The following GPC5 variants were observed in gnomAD, a reference collection of about 807,000 sequenced individuals.
GPC5 encodes the protein glypican-5.
Under a neutral mutation model 53.9 loss-of-function variants are expected in GPC5, and 47 were observed. The ratio of observed to expected loss-of-function variants is 0.87; its 90% CI spans 0.69 to 1.11. The LOEUF (loss-of-function observed/expected upper bound fraction) is 1.11, where lower values mean the gene tolerates loss of function less well. GPC5 is among the 50% of genes most tolerant of loss of function. GPC5 has a pLI of 0.00. For missense variants in GPC5, 748 were observed against 713.1 expected, an observed-to-expected ratio of 1.05 and a Z score of -0.56; for synonymous variants, 286 against 263.3, an observed-to-expected ratio of 1.09 and a Z score of -0.84.
Position 91,398,831 on chromosome 13 carries a change from C to A in GPC5, c.-216C>A. 1 of 523,030 alleles carries A rather than the reference C, an allele frequency of 1.9e-6. No homozygotes were observed. The highest frequency in any genetic ancestry group is 2.9e-5 in the South Asian group (1 of 35,080). The allele number at this position is 523,030 out of a possible 1,614,324, so 32.4% of individuals were successfully genotyped here. On this transcript the variant is annotated 5_prime_UTR_variant, in exon 1 of 8. Transcript: ENST00000377067. ...CTAGGGAAGAAGACCAGAGGGTGCT[C>A]AGCTGGAAAACTCTGGTGTCTCAGC...
chr13:91,536,660 A>T (rs1886604586), intron 2 of GPC5, among the ~76,000 whole-genome samples: 1 of 152,076 alleles, frequency 6.6e-6, no homozygotes, highest in African/African-American at 2.4e-5. Context: ...GTGTATGTTC[A>T]CATTGTCTTT....
intron 5 of GPC5, among the ~76,000 whole-genome samples, chr13:91,837,683 A>T (rs1327452240): frequency 6.6e-6 from 1 of 152,170 alleles, no homozygotes; most frequent in Non-Finnish European, 1.5e-5. Context: ...TAAATCTATT[A>T]CATAGTATTT....
At chr13:92,350,505 G>T (rs2043467236) in intron 7 of GPC5, among the ~76,000 whole-genome samples, 1 of 152,152 alleles carries the variant, frequency 6.6e-6, no homozygotes, top group Admixed American at 6.5e-5. Context: ...TAGAAGCAGA[G>T]AGCACAAAGA....
intron 2 of GPC5, among the ~76,000 whole-genome samples, chr13:91,672,104 A>G (rs1372909250): frequency 6.6e-6 from 1 of 152,212 alleles, no homozygotes; most frequent in African/African-American, 2.4e-5. Flanking sequence ...AAGATGCATT[A>G]CAGACTTAAA....
chr13:92,481,666 C>T lies in GPC5; in HGVS notation c.1561+336677C>T, dbSNP rs78941748. ...TCATGGCACTGTTCAATTAGACAAT[C>T]ACAGTTCATCTCTTGGAGCTGAGAT... On this transcript the variant is annotated intron_variant, in intron 7 of 7. Coordinates refer to ENST00000377067, the MANE Select transcript of GPC5 (RefSeq NM_004466.6). Among the ~76,000 whole-genome samples, 1,375 of 152,248 alleles carry T rather than the reference C, an allele frequency of 9.0e-3. 19 individuals are homozygous for T. Among genetic ancestry groups the T allele is most frequent in the African/African-American group, 0.032 (1,317 of 41,556 alleles).
At chr13:91,686,532 T>A (rs764510925) in intron 2 of GPC5, among the ~76,000 whole-genome samples, 22 of 151,968 alleles carry the variant, frequency 1.4e-4, no homozygotes, top group Non-Finnish European at 1.2e-4. Context: ...CAAGGGAAAA[T>A]TCAGTATAAA....
At chr13:92,118,180 A>G (rs966874253) in intron 6 of GPC5, among the ~76,000 whole-genome samples, 4 of 152,028 alleles carry the variant, frequency 2.6e-5, no homozygotes, top group African/African-American at 9.7e-5. Context: ...TAGATGTTGA[A>G]TTTTGTCAAA....
intron 7 of GPC5, among the ~76,000 whole-genome samples, chr13:92,742,566 G>A (rs964527391): frequency 6.0e-5 from 9 of 149,008 alleles, no homozygotes; most frequent in Non-Finnish European, 1.2e-4. Context: ...CTTTTGCTGT[G>A]CAGAAGCTCT....
intron 7 of GPC5, among the ~76,000 whole-genome samples, chr13:92,831,674 A>G (rs1210665751): frequency 6.6e-6 from 1 of 152,170 alleles, no homozygotes; most frequent in African/African-American, 2.4e-5. Context: ...TGTGATAGAA[A>G]AGCCCACAAA....
chr13:92,525,479 T>TGTGTGA (rs777799898), intron 7 of GPC5, among the ~76,000 whole-genome samples: 150 of 144,746 alleles, frequency 1.0e-3, no homozygotes, highest in African/African-American at 3.4e-3. Flanking sequence ...TGTGTGTGTG[T>TGTGTGA]GAAACAACCA....
At chr13:91,828,105 TA>T (rs1484486254) in intron 5 of GPC5, among the ~76,000 whole-genome samples, 42 of 152,066 alleles carry the variant, frequency 2.8e-4, no homozygotes, top group African/African-American at 9.9e-4. Context: ...ATGAAGTACT[TA>T]ATATTGAAAT....
chr13:91,828,809 A>G (rs182001719), intron 5 of GPC5, among the ~76,000 whole-genome samples: 28 of 152,174 alleles, frequency 1.8e-4, no homozygotes, highest in Non-Finnish European at 4.4e-5. Context: ...AAATGAATCA[A>G]TGAGAGAAAA....
At chr13:91,802,609 C>A (rs1470755319) in intron 5 of GPC5, among the ~76,000 whole-genome samples, 1 of 152,118 alleles carries the variant, frequency 6.6e-6, no homozygotes, top group East Asian at 1.9e-4. Flanking sequence ...ACTGATTGGT[C>A]CATCTACAAA....
intron 6 of GPC5, among the ~76,000 whole-genome samples, chr13:92,081,920 T>C (rs2041299001): frequency 6.6e-6 from 1 of 152,074 alleles, no homozygotes; most frequent in African/African-American, 2.4e-5. Flanking sequence ...TAGTGTAAAA[T>C]AGAAAATATA....
At chr13:91,405,155 A>G (rs1877225798) in intron 1 of GPC5, among the ~76,000 whole-genome samples, 1 of 152,208 alleles carries the variant, frequency 6.6e-6, no homozygotes, top group Admixed American at 6.5e-5. Context: ...AAACTCCTAC[A>G]CAACTCATGG....
intron 7 of GPC5, among the ~76,000 whole-genome samples, chr13:92,424,014 A>T (rs918880790): frequency 5.3e-5 from 8 of 151,446 alleles, no homozygotes; most frequent in Non-Finnish European, 1.0e-4. Flanking sequence ...AGTAAAAAAA[A>T]TCAAGTTTTG....
chr13:92,299,775 A>T (rs2043062727), intron 7 of GPC5, among the ~76,000 whole-genome samples: 1 of 152,206 alleles, frequency 6.6e-6, no homozygotes, highest in Non-Finnish European at 1.5e-5. Flanking sequence ...AGAAGTCATC[A>T]GTAATGATTT....
chr13:91,968,248 G>GT (rs199921840), intron 6 of GPC5, among the ~76,000 whole-genome samples: 36 of 150,786 alleles, frequency 2.4e-4, no homozygotes, highest in Admixed American at 4.0e-4. Context: ...CTATTTTAAA[G>GT]TTTTTTTTTA....
intron 7 of GPC5, among the ~76,000 whole-genome samples, chr13:92,513,062 C>T (rs910931798): frequency 6.6e-5 from 10 of 152,260 alleles, no homozygotes; most frequent in African/African-American, 2.4e-4. Context: ...CACAGGTGTA[C>T]CTTTGTGCTG....
Sources: allele counts gnomAD v4.1 joint callset (sites outside exome capture counted in the v4.1 genomes callset), GRCh38; gene constraint gnomAD v4.1.1; transcripts MANE v1.5; gene names NCBI Gene and HGNC (gene_info 2026-07-23, HGNC 2026-07-21).